The following LRRC4C variants were observed in gnomAD, a reference collection of about 807,000 sequenced individuals.
LRRC4C encodes leucine-rich repeat-containing protein 4C.
Under a neutral mutation model 33.6 loss-of-function variants are expected in LRRC4C, and 5 were observed. That is an observed-to-expected ratio of 0.15 (90% confidence interval 0.08 to 0.31). The LOEUF is 0.31. Among genes scored for constraint, LRRC4C ranks in the 10% least tolerant of loss-of-function variants. The pLI, the probability that LRRC4C is intolerant of heterozygous loss-of-function variation, is 1.00. For missense variants in LRRC4C, 560 were observed against 796.7 expected (o/e 0.70, Z 3.58); for synonymous variants, 329 against 302.0 (o/e 1.09, Z -0.93).
At chr11:40,236,093 A>G (rs1590785276) in intron 5 of LRRC4C, among the ~76,000 whole-genome samples, 1 of 151,838 alleles carries the variant, frequency 6.6e-6, no homozygotes. Flanking sequence ...TCTTCAGCCT[A>G]TGAAAAAAAA....
At chr11:41,021,203 GAGAGAGAGAGA>G (rs1855951585) in intron 1 of LRRC4C, among the ~76,000 whole-genome samples, 1 of 145,392 alleles carries the variant, frequency 6.9e-6, no homozygotes, top group Non-Finnish European at 1.5e-5. Flanking sequence ...GAGAGAGAGA[GAGAGAGAGAGA>G]GTGTGTGTGT....
At chr11:41,150,200 C>G (rs2135960247) in intron 1 of LRRC4C, among the ~76,000 whole-genome samples, 1 of 152,312 alleles carries the variant, frequency 6.6e-6, no homozygotes, top group Admixed American at 6.5e-5. Flanking sequence ...TCACTGTTCT[C>G]TCTTCCATTC....
intron 5 of LRRC4C, among the ~76,000 whole-genome samples, chr11:40,229,171 T>G (rs2135990604): frequency 6.6e-6 from 1 of 152,248 alleles, no homozygotes. Context: ...TATCTATTCC[T>G]CACCCTCTAC....
At chr11:40,765,324 A>G (rs1287683699) in intron 2 of LRRC4C, among the ~76,000 whole-genome samples, 1 of 152,172 alleles carries the variant, frequency 6.6e-6, no homozygotes, top group Non-Finnish European at 1.5e-5. Flanking sequence ...TTCTCCAGCC[A>G]TGTAAGATGT....
intron 2 of LRRC4C, among the ~76,000 whole-genome samples, chr11:40,768,102 G>A (rs1387621564): frequency 2.0e-5 from 3 of 151,804 alleles, no homozygotes; most frequent in Non-Finnish European, 2.9e-5. Context: ...AAAGAGGGAC[G>A]ATCTAAATAA....
intron 1 of LRRC4C, among the ~76,000 whole-genome samples, chr11:40,983,797 C>T (rs1234618571): frequency 6.6e-6 from 1 of 152,112 alleles, no homozygotes; most frequent in Non-Finnish European, 1.5e-5. Context: ...AATGAGATAC[C>T]ATTTCACACC....
chr11:40,863,819 T>A (rs1291563157), intron 2 of LRRC4C, among the ~76,000 whole-genome samples: 4 of 152,166 alleles, frequency 2.6e-5, no homozygotes, highest in Non-Finnish European at 5.9e-5. Context: ...AAGATATTTT[T>A]GTGTTATTAT....
At chr11:41,085,567 A>C (rs1347831829) in intron 1 of LRRC4C, among the ~76,000 whole-genome samples, 1 of 152,156 alleles carries the variant, frequency 6.6e-6, no homozygotes. Flanking sequence ...CTCAATGCCT[A>C]GTCTGTGCTT....
chr11:41,018,941 T>C (rs10501246), intron 1 of LRRC4C, among the ~76,000 whole-genome samples: 76,816 of 151,980 alleles, frequency 0.51, 20,481 homozygotes, highest in East Asian at 0.65. Context: ...AGTACACATC[T>C]ATAAGCATTT....
At chr11:40,330,185 G>C (rs565441037) in intron 3 of LRRC4C, among the ~76,000 whole-genome samples, 1 of 152,286 alleles carries the variant, frequency 6.6e-6, no homozygotes, top group Admixed American at 6.5e-5. Flanking sequence ...TTGAGGTGGT[G>C]TGATGCTCAT....
intron 5 of LRRC4C, among the ~76,000 whole-genome samples, chr11:40,224,393 A>G (rs1356549889): frequency 6.6e-6 from 1 of 152,120 alleles, no homozygotes; most frequent in African/African-American, 2.4e-5. Flanking sequence ...TTCTTTCATT[A>G]TTTGCCTGAC....
chr11:41,260,206 A>G (rs1948934591), intron 1 of LRRC4C, among the ~76,000 whole-genome samples: 1 of 152,074 alleles, frequency 6.6e-6, no homozygotes, highest in Non-Finnish European at 1.5e-5. Flanking sequence ...AAAATACGTA[A>G]TGCAAAGATA....
chr11:41,395,148 G>A (rs752254262), intron 1 of LRRC4C, among the ~76,000 whole-genome samples: 1 of 151,834 alleles, frequency 6.6e-6, no homozygotes, highest in Non-Finnish European at 1.5e-5. Flanking sequence ...GAGTCTCAGA[G>A]TTAAAACAGT....
rs1951382194 is a variant in LRRC4C at position 40,441,296 on chromosome 11, G to T, written c.-269-121575C>A. Among the ~76,000 whole-genome samples, 4 of 152,270 alleles carry T rather than the reference G, an allele frequency of 2.6e-5. No homozygotes were observed. The South Asian group carries it at 8.3e-4, about 32-fold the overall frequency. ...AGTTGCAAATTTGTAATGACTCTCT[G>T]TAGCTGTTCACAGTCATTTTGCAAA... On this transcript the variant is annotated intron_variant, in intron 3 of 6. Coordinates refer to ENST00000528697, the MANE Select transcript of LRRC4C (RefSeq NM_001258419.2).
chr11:40,891,192 G>A (rs934669457), intron 2 of LRRC4C, among the ~76,000 whole-genome samples: 3 of 151,942 alleles, frequency 2.0e-5, no homozygotes, highest in African/African-American at 4.8e-5. Context: ...AGCTGAGATC[G>A]CGCCCCTGCA....
intron 2 of LRRC4C, among the ~76,000 whole-genome samples, chr11:40,656,832 A>C (rs572463734): frequency 5.6e-4 from 86 of 152,328 alleles, no homozygotes; most frequent in African/African-American, 1.9e-3. Context: ...AAATTTGTCA[A>C]ACTTCTTCCA....
chr11:40,638,057 G>A (rs1453793682), intron 3 of LRRC4C, among the ~76,000 whole-genome samples: 1 of 152,132 alleles, frequency 6.6e-6, no homozygotes, highest in African/African-American at 2.4e-5. Context: ...GCTTCATAAT[G>A]ATTCCTTCCC....
intron 3 of LRRC4C, among the ~76,000 whole-genome samples, chr11:40,531,278 T>G (rs1277187133): frequency 6.6e-6 from 1 of 152,112 alleles, no homozygotes; most frequent in African/African-American, 2.4e-5. Flanking sequence ...TAATGCAGAA[T>G]GATCCTGCCC....
intron 1 of LRRC4C, among the ~76,000 whole-genome samples, chr11:41,002,689 A>T (rs1043282320): frequency 3.3e-5 from 5 of 152,162 alleles, no homozygotes; most frequent in African/African-American, 9.6e-5. Flanking sequence ...TTAATATTTC[A>T]GTGCATGGAT....
Sources: gnomAD v4.1 joint callset for allele counts (sites outside exome capture counted in the v4.1 genomes callset) on GRCh38, gnomAD v4.1.1 for gene constraint, MANE v1.5 for transcripts, NCBI Gene and HGNC (gene_info 2026-07-23, HGNC 2026-07-21) for gene names.